IGF1R: variants seen among roughly 807,000 people sequenced by gnomAD.
The protein encoded by IGF1R is insulin like growth factor 1 receptor, also known as insulin-like growth factor 1 receptor.
A neutral mutation model predicts 144.6 loss-of-function variants in IGF1R; 44 were observed. That is an observed-to-expected ratio of 0.30 (90% CI 0.24 to 0.39). The LOEUF is 0.39. Among genes scored for constraint, IGF1R ranks in the 10% least tolerant of loss-of-function variants. IGF1R has a pLI of 1.00. For missense variants in IGF1R, 1,355 were observed against 1,833.7 expected, an observed-to-expected ratio of 0.74 and a Z score of 4.77; for synonymous variants, 795 against 722.8, an observed-to-expected ratio of 1.10 and a Z score of -1.60.
At chr15:98,764,796 A>C (rs1024652162) in intron 2 of IGF1R, among the ~76,000 whole-genome samples, 2 of 152,062 alleles carry the variant, frequency 1.3e-5, no homozygotes, top group Non-Finnish European at 2.9e-5. Context: ...TGTTTAAAAA[A>C]TTTTTTTATA....
chr15:98,755,408 G>A lies in IGF1R; in HGVS notation c.640+47301G>A, dbSNP rs561267731. Among the ~76,000 whole-genome samples, 8 of 151,954 alleles carry A rather than the reference G, an allele frequency of 5.3e-5. No homozygotes were observed. In the South Asian group the frequency reaches 6.2e-4, roughly 12 times the overall value. On this transcript the variant is annotated intron_variant, in intron 2 of 20. Transcript: ENST00000650285. ...AAACAGGATTACAGTAAATTGACTC[G>A]TGTATGTGTATACATCCATCTTTGC...
At chr15:98,917,444 C>T (rs1477472473) in intron 10 of IGF1R, among the ~76,000 whole-genome samples, 3 of 152,202 alleles carry the variant, frequency 2.0e-5, no homozygotes, top group Admixed American at 1.3e-4. Flanking sequence ...GTTACTCTGT[C>T]TTTCAAAGCA....
Position 98,708,024 on chromosome 15 carries a change from TGGA to T in IGF1R, c.562_564del (p.Glu188del). On this transcript the variant is annotated inframe_deletion, in exon 2 of 21. Coordinates refer to ENST00000650285, the MANE Select transcript of IGF1R (RefSeq NM_000875.5). ...TGTGGGGACCTGTGTCCAGGGACCA[TGGA>T]GGAGAAGCCGATGTGTGAGAAGACC... The T allele has an allele frequency of 6.2e-7, 1 of 1,614,084 alleles. No individual in the cohort carries two copies. Among genetic ancestry groups the T allele is most frequent in the Non-Finnish European group, 8.5e-7 (1 of 1,179,998 alleles).
At position 98,963,907 on chromosome 15, in the gene IGF1R, C is replaced by CT. The variant is rs748446459; in HGVS notation, c.*6466dup. The stretch of plus-strand genomic sequence containing the variant: ...ATGTCTCCCCAACTCCACAATATCT[C>CT]TATCATGGGAAACACCTGGGGTTTT... On this transcript the variant is annotated 3_prime_UTR_variant, in exon 21 of 21. Transcript: ENST00000650285. The CT allele has an allele frequency of 4.3e-6, 1 of 233,112 alleles. No individual in the cohort carries two copies. Among genetic ancestry groups the CT allele is most frequent in the Non-Finnish European group, 8.5e-6 (1 of 118,010 alleles). The allele number at this position is 233,112 out of a possible 1,614,324, so 14.4% of individuals were successfully genotyped here. A position where few individuals can be genotyped will look rare whatever the true frequency, so the allele number is the denominator to read the frequency against.
intron 2 of IGF1R, among the ~76,000 whole-genome samples, chr15:98,757,908 TG>T (rs2055194979): frequency 6.6e-6 from 1 of 152,256 alleles, no homozygotes; most frequent in Admixed American, 6.5e-5. Flanking sequence ...TTTGCTAATT[TG>T]AAAAGTGTGT....
chr15:98,814,933 T>A (rs2056664698), intron 2 of IGF1R, among the ~76,000 whole-genome samples: 1 of 152,242 alleles, frequency 6.6e-6, no homozygotes, highest in Admixed American at 6.5e-5. Context: ...GGAAACTTAA[T>A]ACTTCATGTT....
At chr15:98,838,307 A>C (rs1394666085) in intron 2 of IGF1R, among the ~76,000 whole-genome samples, 1 of 152,190 alleles carries the variant, frequency 6.6e-6, no homozygotes, top group African/African-American at 2.4e-5. Flanking sequence ...TAAAAATTAA[A>C]ATGACATCTG....
At chr15:98,741,621 T>G (rs894262890) in intron 2 of IGF1R, among the ~76,000 whole-genome samples, 1 of 152,202 alleles carries the variant, frequency 6.6e-6, no homozygotes, top group African/African-American at 2.4e-5. Flanking sequence ...GGAACAAGGG[T>G]GAAGAACAGA....
chr15:98,858,562 C>T (rs890557182), intron 2 of IGF1R, among the ~76,000 whole-genome samples: 1 of 152,230 alleles, frequency 6.6e-6, no homozygotes, highest in Non-Finnish European at 1.5e-5. Flanking sequence ...TAACATCAAT[C>T]CACCCAAGTA....
intron 2 of IGF1R, among the ~76,000 whole-genome samples, chr15:98,884,003 C>T (rs1596393891): frequency 6.6e-6 from 1 of 152,156 alleles, no homozygotes; most frequent in African/African-American, 2.4e-5. Flanking sequence ...TTATTGTTAC[C>T]TAGACTTGGG....
chr15:98,830,584 G>A (rs2056981854), intron 2 of IGF1R, among the ~76,000 whole-genome samples: 1 of 150,910 alleles, frequency 6.6e-6, no homozygotes, highest in Non-Finnish European at 1.5e-5. Context: ...TTCAAGCATG[G>A]TTCCAACATC....
At chr15:98,889,463 G>A (rs1480226980) in intron 2 of IGF1R, among the ~76,000 whole-genome samples, 3 of 152,228 alleles carry the variant, frequency 2.0e-5, no homozygotes, top group African/African-American at 7.2e-5. Flanking sequence ...GGGTGCTCAT[G>A]AAGATTGCTT....
At position 98,704,711 on chromosome 15, in the gene IGF1R, G is replaced by T. The variant is rs977620574; in HGVS notation, c.95-2851G>T. 6.6e-6 allele frequency among the ~76,000 whole-genome samples: 1 copy of T among 152,178 alleles called. No individual in the cohort carries two copies. Among genetic ancestry groups the T allele is most frequent in the Non-Finnish European group, 1.5e-5 (1 of 68,026 alleles). ...CTGGAGCTGCGGTGAGAGAGACCAT[G>T]AAAAGAAGGGCCAGAGCGGTGTCCT... On this transcript the variant is annotated intron_variant, in intron 1 of 20. Coordinates refer to ENST00000650285, the MANE Select transcript of IGF1R (RefSeq NM_000875.5). This position sits in a 1 kb window ranked among gnomAD's most constrained non-coding sequence, Gnocchi z 4.9.
At chr15:98,955,971 G>A (rs114716899) in intron 20 of IGF1R, among the ~76,000 whole-genome samples, 235 of 152,354 alleles carry the variant, frequency 1.5e-3, no homozygotes, top group African/African-American at 5.1e-3. Flanking sequence ...TTGGTTTCAC[G>A]CTCATGTAAG....
At chr15:98,884,476 C>T (rs1450167463) in intron 2 of IGF1R, among the ~76,000 whole-genome samples, 1 of 151,996 alleles carries the variant, frequency 6.6e-6, no homozygotes, top group Non-Finnish European at 1.5e-5. Context: ...AGGAGGATCA[C>T]GAGGTCAGGA....
rs541467281 is a variant in IGF1R, at chr15:98,908,923, C to G, written c.1462+24C>G. 25 of 1,596,594 alleles carry G rather than the reference C, an allele frequency of 1.6e-5. No homozygotes were observed. In the East Asian group the frequency reaches 5.2e-4, roughly 33 times the overall value. ...CTGTGAGTGACAGCATCCAAAACAC[C>G]GTGGGCCCAACCATCATGATAACAG... On this transcript the variant is annotated intron_variant, in intron 6 of 20. Coordinates refer to ENST00000650285, the MANE Select transcript of IGF1R (RefSeq NM_000875.5).
chr15:98,785,029 A>G (rs983739633), intron 2 of IGF1R, among the ~76,000 whole-genome samples: 21 of 152,230 alleles, frequency 1.4e-4, no homozygotes, highest in African/African-American at 4.3e-4. Context: ...ATGTGTATAT[A>G]TATATGTGTA....
intron 2 of IGF1R, among the ~76,000 whole-genome samples, chr15:98,840,630 A>T (rs371774208): frequency 6.7e-5 from 10 of 149,196 alleles, no homozygotes; most frequent in African/African-American, 2.5e-4. Context: ...ATTTATAGAG[A>T]TGGGGTCTCA....
In IGF1R at chr15:98,963,039, T is replaced by A. The variant is rs1344874957; in HGVS notation, c.*5597T>A. ...TTTTCAATAGGGCTCTTAAGTCCAG[T>A]AGATTACGGGTAGTCAGTTGACGAA... On this transcript the variant is annotated 3_prime_UTR_variant, in exon 21 of 21. Coordinates refer to ENST00000650285, the MANE Select transcript of IGF1R (RefSeq NM_000875.5). 8.6e-6 allele frequency: 2 copies of A among 233,608 alleles called. No homozygotes were observed. The highest frequency in any genetic ancestry group is 1.1e-4 in the Admixed American group (2 of 17,782). The allele number at this position is 233,608 out of a possible 1,614,324, so 14.5% of individuals were successfully genotyped here. A position where few individuals can be genotyped will look rare whatever the true frequency, so the allele number is the denominator to read the frequency against.
Sources: allele counts gnomAD v4.1 joint callset (sites outside exome capture counted in the v4.1 genomes callset), GRCh38; gene constraint gnomAD v4.1.1; non-coding constraint Gnocchi (gnomAD v3.1); transcripts MANE v1.5; gene names NCBI Gene and HGNC (gene_info 2026-07-23, HGNC 2026-07-21).